The following NAV2 variants were observed in gnomAD, a reference collection of about 807,000 sequenced individuals.
NAV2 encodes neuron navigator 2.
NAV2 carries 54 observed loss-of-function variants against 223.2 expected under a neutral mutation model. The ratio of observed to expected loss-of-function variants is 0.24; its 90% CI spans 0.19 to 0.30. The LOEUF is 0.30. Ranked by LOEUF, NAV2 falls within the 10% of genes least tolerant of loss-of-function variation. The probability of loss-of-function intolerance (pLI) is 1.00; values close to 1 mark genes in which losing one functional copy is unlikely to be tolerated. For missense variants in NAV2, 2,806 were observed against 3,147.5 expected (o/e 0.89, Z 2.60); for synonymous variants, 1,279 against 1,239.3 (o/e 1.03, Z -0.67).
chr11:19,714,507 G>A (rs989181127), intron 1 of NAV2: 14 of 455,778 alleles, frequency 3.1e-5, no homozygotes, highest in Non-Finnish European at 6.2e-5. Context: ...CCCATCCTGC[G>A]GGGTGACGGG....
intron 1 of NAV2, among the ~76,000 whole-genome samples, chr11:19,461,688 C>A (rs998460676): frequency 2.6e-5 from 4 of 152,148 alleles, no homozygotes; most frequent in Non-Finnish European, 4.4e-5. Context: ...ATGAAATCAA[C>A]TTAATGGGTC....
intron 1 of NAV2, among the ~76,000 whole-genome samples, chr11:19,695,886 A>AT (rs1253012157): frequency 4.7e-5 from 7 of 149,312 alleles, no homozygotes; most frequent in African/African-American, 1.7e-4. Flanking sequence ...CCTGGATGAA[A>AT]TAATAAAATA....
Position 20,054,976 on chromosome 11 carries a change from G to A in NAV2, c.4642+736G>A, listed in dbSNP as rs2058276035. On this transcript the variant is annotated intron_variant, in intron 18 of 37. Coordinates refer to ENST00000349880, the MANE Select transcript of NAV2 (RefSeq NM_145117.5). The stretch of plus-strand genomic sequence containing the variant: ...ACATTTAGAAAAAGGAAAGATTAGT[G>A]CTGGCTGAAGTTATAGGCAGAGGTT... Among the ~76,000 whole-genome samples, 3 of 152,224 alleles carry A rather than the reference G, an allele frequency of 2.0e-5. No homozygotes were observed. In the South Asian group the frequency reaches 6.2e-4, roughly 31 times the overall value.
chr11:19,536,387 C>T (rs1012136046), intron 1 of NAV2, among the ~76,000 whole-genome samples: 6 of 152,098 alleles, frequency 3.9e-5, no homozygotes, highest in South Asian at 2.1e-4. Context: ...TTCTAAGCCC[C>T]GTATGGAAGG....
chr11:20,054,102 C>T lies in NAV2; in HGVS notation c.4504C>T (p.Arg1502Cys), dbSNP rs777712101. The change falls in exon 18 of 38, where the codon CGC (arginine) becomes TGC (cysteine). Residue 1502 changes from arginine (R) to cysteine (C), a missense_variant. This residue lies in a region of NAV2 where 742 missense variants were observed against 777.9 expected (regional missense o/e 0.95). Transcript: ENST00000349880. ...CAGGTATACTCCCACCTCCCAGCTT[C>T]GCACGCAAGAAGATGCAAAAGAATG... Reference protein sequence around the residue: ...GLRYTPTSQLRTQEDAKEWLR... With the variant: ...GLRYTPTSQLCTQEDAKEWLR... 3.7e-6 allele frequency: 6 copies of T among 1,612,690 alleles called. No individual in the cohort carries two copies. Among genetic ancestry groups the T allele is most frequent in the South Asian group, 2.2e-5 (2 of 90,794 alleles).
At chr11:19,878,187 C>T (rs1276819937) in intron 4 of NAV2, among the ~76,000 whole-genome samples, 1 of 152,152 alleles carries the variant, frequency 6.6e-6, no homozygotes, top group Non-Finnish European at 1.5e-5. Flanking sequence ...AAGAGCTCCC[C>T]ACTCCCTGGC....
Position 19,463,116 on chromosome 11 carries a change from T to C in NAV2, c.75+112089T>C, listed in dbSNP as rs144512989. On this transcript the variant is annotated intron_variant, in intron 1 of 37. Coordinates refer to the NAV2 transcript ENST00000360655. ...AAATTATTTTCCAGGTCTGGATTTGTTGTCTTTTATATAAGACTCCAAATA... is the reference window on the plus strand; with the variant it reads ...AAATTATTTTCCAGGTCTGGATTTGCTGTCTTTTATATAAGACTCCAAATA... 5.2e-3 allele frequency among the ~76,000 whole-genome samples: 798 copies of C among 152,368 alleles called. 6 individuals are homozygous for C. The highest frequency in any genetic ancestry group is 0.018 in the African/African-American group (761 of 41,580).
chr11:19,872,673 T>C (rs1468016561), intron 4 of NAV2, among the ~76,000 whole-genome samples: 1 of 152,116 alleles, frequency 6.6e-6, no homozygotes, highest in African/African-American at 2.4e-5. Flanking sequence ...CTCAGGAGGG[T>C]GTATGCACCT....
chr11:19,893,426 G>T (rs1198147387), intron 6 of NAV2, among the ~76,000 whole-genome samples: 1 of 152,098 alleles, frequency 6.6e-6, no homozygotes, highest in Non-Finnish European at 1.5e-5. Flanking sequence ...AGATTCCTAG[G>T]GCTGTCTACG....
chr11:19,865,475 A>G (rs1333096677), intron 3 of NAV2, among the ~76,000 whole-genome samples: 1 of 152,202 alleles, frequency 6.6e-6, no homozygotes, highest in Non-Finnish European at 1.5e-5. Flanking sequence ...GTTGGAAGCC[A>G]CATCTGACCC....
At chr11:19,734,871 C>T (rs1369944541) in intron 1 of NAV2, among the ~76,000 whole-genome samples, 1 of 152,178 alleles carries the variant, frequency 6.6e-6, no homozygotes, top group Admixed American at 6.5e-5. Context: ...CTATGAGCCT[C>T]CACTCAGGCT....
chr11:19,724,389 G>T (rs1040563891), intron 1 of NAV2, among the ~76,000 whole-genome samples: 1 of 152,096 alleles, frequency 6.6e-6, no homozygotes, highest in Non-Finnish European at 1.5e-5. Flanking sequence ...GTGTCTCTCT[G>T]TCACCTAGGC....
In NAV2 at chr11:20,010,376, A is replaced by T. The variant is rs937776324; in HGVS notation, c.2769-25583A>T. On this transcript the variant is annotated intron_variant, in intron 11 of 37. Transcript: ENST00000349880. ...GACTGCAAAGGAGAACACTTAGGTC[A>T]ATTGGCTTAAATGGCACTGCGTCTG... is the stretch of plus-strand genomic sequence containing the variant. 5.9e-5 allele frequency among the ~76,000 whole-genome samples: 9 copies of T among 152,286 alleles called. No individual in the cohort carries two copies. The East Asian group carries it at 9.6e-4, about 16-fold the overall frequency.
At chr11:19,860,134 T>C (rs1441671526) in intron 3 of NAV2, among the ~76,000 whole-genome samples, 2 of 126,634 alleles carry the variant, frequency 1.6e-5, no homozygotes, top group Admixed American at 7.7e-5. Context: ...GAGGCGCCCC[T>C]CACCTCCCGG....
At chr11:19,792,110 T>C (rs1275244322) in intron 1 of NAV2, among the ~76,000 whole-genome samples, 2 of 152,230 alleles carry the variant, frequency 1.3e-5, no homozygotes, top group Non-Finnish European at 2.9e-5. Context: ...GCAATTTATA[T>C]ACCAAAGTGG....
At chr11:19,428,915 T>C (rs1254996095) in intron 1 of NAV2, among the ~76,000 whole-genome samples, 2 of 152,198 alleles carry the variant, frequency 1.3e-5, no homozygotes, top group Non-Finnish European at 2.9e-5. Context: ...ATTATGATAA[T>C]GTACTTGGAG....
intron 1 of NAV2, among the ~76,000 whole-genome samples, chr11:19,439,831 C>T (rs1430170144): frequency 2.6e-5 from 4 of 152,180 alleles, no homozygotes; most frequent in South Asian, 2.1e-4. Context: ...TTCTTACATG[C>T]GCTGAGCGTG....
chr11:19,820,536 C>T (rs976277431), intron 1 of NAV2, among the ~76,000 whole-genome samples: 29 of 152,300 alleles, frequency 1.9e-4, no homozygotes, highest in African/African-American at 7.0e-4. Context: ...TTCAGCCTCA[C>T]TTGGACTTAT....
At chr11:20,026,545 C>T (rs907583643) in intron 11 of NAV2, among the ~76,000 whole-genome samples, 6 of 152,034 alleles carry the variant, frequency 3.9e-5, no homozygotes, top group Admixed American at 2.6e-4. Context: ...CTCCTGACCT[C>T]GTGATCCACC....
Sources: gnomAD v4.1 joint callset for allele counts (sites outside exome capture counted in the v4.1 genomes callset) on GRCh38, gnomAD v4.1.1 for gene constraint, gnomAD v4.1.1 regional missense constraint, MANE v1.5 for transcripts, NCBI Gene and HGNC (gene_info 2026-07-23, HGNC 2026-07-21) for gene names.